SHTN1: variants seen among roughly 807,000 people sequenced by gnomAD.
SHTN1 encodes shootin 1, also known as shootin-1.
In SHTN1, 42 loss-of-function variants were observed where a neutral mutation model predicts 83.1. The ratio of observed to expected loss-of-function variants is 0.51; its 90% CI spans 0.39 to 0.65. SHTN1 has a LOEUF of 0.65. SHTN1 is among the 30% of genes least tolerant of loss of function. The pLI, the probability that SHTN1 is intolerant of heterozygous loss-of-function variation, is 0.00. For synonymous variants in SHTN1, 224 were observed against 247.7 expected (o/e 0.90, Z 0.90); for missense variants, 622 against 737.8 (o/e 0.84, Z 1.82).
intron 3 of SHTN1, among the ~76,000 whole-genome samples, chr10:116,963,349 A>G (rs1001371518): frequency 1.3e-5 from 2 of 151,086 alleles, no homozygotes; most frequent in Non-Finnish European, 2.9e-5. Flanking sequence ...TGGGATTACA[A>G]GCGTGAGCCA....
intron 1 of SHTN1, among the ~76,000 whole-genome samples, chr10:116,998,208 C>G (rs1418151173): frequency 2.0e-5 from 3 of 152,220 alleles, no homozygotes; most frequent in African/African-American, 7.2e-5. Context: ...ATATCAGTAT[C>G]AACTCATGAA....
chr10:116,974,712 G>A (rs568234629), intron 2 of SHTN1, among the ~76,000 whole-genome samples: 2 of 152,168 alleles, frequency 1.3e-5, no homozygotes, highest in South Asian at 4.1e-4. Flanking sequence ...TTTAAAGGCA[G>A]ACATTCTTCT....
intron 12 of SHTN1, among the ~76,000 whole-genome samples, chr10:116,915,786 A>G (rs746355131): frequency 6.6e-6 from 1 of 152,162 alleles, no homozygotes; most frequent in Non-Finnish European, 1.5e-5. Flanking sequence ...ACATTTCTCC[A>G]GGTCTTTAAA....
chr10:117,015,775 A>G (rs909277224), intron 2 of SHTN1, among the ~76,000 whole-genome samples: 2 of 152,190 alleles, frequency 1.3e-5, no homozygotes, highest in African/African-American at 2.4e-5. Context: ...TTGGTTTTCA[A>G]TTCAAATGCT....
intron 2 of SHTN1, among the ~76,000 whole-genome samples, chr10:117,040,003 T>C (rs926650108): frequency 1.3e-5 from 2 of 152,104 alleles, no homozygotes; most frequent in Admixed American, 6.6e-5. Flanking sequence ...AGGGCCTTCA[T>C]AGTAAAAATT....
intron 1 of SHTN1, among the ~76,000 whole-genome samples, chr10:117,073,637 AT>A (rs1853116044): frequency 1.3e-5 from 2 of 152,188 alleles, no homozygotes; most frequent in Admixed American, 6.5e-5. Flanking sequence ...AGTATGGGTG[AT>A]GCCACCTCTC....
At position 116,886,155 on chromosome 10, in the gene SHTN1, G is replaced by T. The variant is rs1847156065; in HGVS notation, c.*189C>A. 1 of 773,754 alleles carries T rather than the reference G, an allele frequency of 1.3e-6. No homozygotes were observed. The highest frequency in any genetic ancestry group is 2.0e-6 in the Non-Finnish European group (1 of 501,618). The allele number at this position is 773,754 out of a possible 1,614,324, so 47.9% of individuals were successfully genotyped here. A position where few individuals can be genotyped will look rare whatever the true frequency, so the allele number is the denominator to read the frequency against. On this transcript the variant is annotated 3_prime_UTR_variant, in exon 17 of 17. Coordinates refer to ENST00000355371, the MANE Select transcript of SHTN1 (RefSeq NM_001127211.3). The stretch of plus-strand genomic sequence containing the variant: ...AGATCAAAAAACCAAAACCTACTAG[G>T]AATGTGTGTTTTGCTAAACAGCTTA...
intron 15 of SHTN1, 50 bp downstream of exon 15, chr10:116,906,577 G>C (rs1309181825): frequency 6.6e-7 from 1 of 1,526,068 alleles, no homozygotes; most frequent in Admixed American, 2.2e-5. Flanking sequence ...CTTAGAAGAA[G>C]ATGTTTCAGA....
At chr10:117,099,218 T>C (rs111606708) in intron 1 of SHTN1, among the ~76,000 whole-genome samples, 140 of 152,032 alleles carry the variant, frequency 9.2e-4, no homozygotes, top group Non-Finnish European at 1.8e-3. Flanking sequence ...ATAATGAATC[T>C]TGGAGACTCA....
At position 116,881,686 on chromosome 10, in the gene SHTN1, G is replaced by A; in HGVS notation, c.*4658C>T. ...TCTGGATAGGGCTGTACACACCCCA[G>A]GTTCCAGCCACACCATCAGTATTAG... On this transcript the variant is annotated 3_prime_UTR_variant, in exon 17 of 17. Coordinates refer to ENST00000355371, the MANE Select transcript of SHTN1 (RefSeq NM_001127211.3). The A allele has an allele frequency of 1.4e-6, 2 of 1,470,396 alleles. No individual in the cohort carries two copies. Among genetic ancestry groups the A allele is most frequent in the Non-Finnish European group, 1.8e-6 (2 of 1,105,892 alleles). The allele number at this position is 1,470,396 out of a possible 1,614,324, so 91.1% of individuals were successfully genotyped here.
chr10:117,057,908 A>C (rs2133593376), intron 1 of SHTN1, among the ~76,000 whole-genome samples: 1 of 152,344 alleles, frequency 6.6e-6, no homozygotes, highest in South Asian at 2.1e-4. Flanking sequence ...CACTCAAGGG[A>C]GCTAAGACTA....
chr10:117,009,785 T>C (rs1215530267), upstream of SHTN1, among the ~76,000 whole-genome samples: 1 of 151,872 alleles, frequency 6.6e-6, no homozygotes, highest in African/African-American at 2.4e-5. Flanking sequence ...GCGCCTGTAG[T>C]CCCAGCTACT....
chr10:116,957,033 C>A (rs1850008086), intron 4 of SHTN1, among the ~76,000 whole-genome samples: 1 of 152,136 alleles, frequency 6.6e-6, no homozygotes, highest in Non-Finnish European at 1.5e-5. Flanking sequence ...AAGTGACCCT[C>A]CCACCTTGTC....
chr10:116,982,894 C>T (rs1266631190), intron 1 of SHTN1, among the ~76,000 whole-genome samples: 2 of 151,424 alleles, frequency 1.3e-5, no homozygotes, highest in African/African-American at 4.9e-5. Flanking sequence ...ACCCAGGAGG[C>T]GGAGGTTGCA....
intron 12 of SHTN1, among the ~76,000 whole-genome samples, chr10:116,917,021 C>T (rs1848407247): frequency 1.3e-5 from 2 of 152,202 alleles, no homozygotes; most frequent in South Asian, 2.1e-4. Flanking sequence ...GATGACTAAA[C>T]TGTGGGTTGA....
intron 1 of SHTN1, among the ~76,000 whole-genome samples, chr10:117,078,342 C>T (rs1037767190): frequency 6.6e-6 from 1 of 152,104 alleles, no homozygotes; most frequent in Non-Finnish European, 1.5e-5. Context: ...AGGTGATTAC[C>T]TGCCTGGCAT....
chr10:116,973,029 A>C (rs1026507095), intron 2 of SHTN1, among the ~76,000 whole-genome samples: 3 of 152,190 alleles, frequency 2.0e-5, no homozygotes, highest in Admixed American at 2.0e-4. Flanking sequence ...GTAGAGAAAC[A>C]GCCTTTCCAG....
Position 117,067,460 on chromosome 10 carries a change from T to C in SHTN1, c.-188-18950A>G, listed in dbSNP as rs112285270. 2.5e-3 allele frequency among the ~76,000 whole-genome samples: 386 copies of C among 152,288 alleles called. 1 individual carries two copies. The highest frequency in any genetic ancestry group is 8.9e-3 in the African/African-American group (372 of 41,568). Reference sequence around the variant, plus strand: ...AAATACAAAAATTAGCCAGACGTGGTGGCAGGTGCCTGTAGTTCCAGCTAC... The same window carrying C: ...AAATACAAAAATTAGCCAGACGTGGCGGCAGGTGCCTGTAGTTCCAGCTAC... On this transcript the variant is annotated intron_variant, in intron 1 of 17. Coordinates refer to the SHTN1 transcript ENST00000392901.
intron 1 of SHTN1, among the ~76,000 whole-genome samples, chr10:117,070,636 G>C (rs1853066073): frequency 6.6e-6 from 1 of 151,514 alleles, no homozygotes; most frequent in South Asian, 2.1e-4. Flanking sequence ...TTTCAGAGAA[G>C]AAGCACGCAG....
Sources: gnomAD v4.1 joint callset for allele counts (sites outside exome capture counted in the v4.1 genomes callset) on GRCh38, gnomAD v4.1.1 for gene constraint, MANE v1.5 for transcripts, NCBI Gene and HGNC (gene_info 2026-07-23, HGNC 2026-07-21) for gene names.